SLC9A7: variants seen among roughly 807,000 people sequenced by gnomAD.
SLC9A7 encodes the protein solute carrier family 9 member A7, also known as sodium/hydrogen exchanger 7.
Under a neutral mutation model 52.6 loss-of-function variants are expected in SLC9A7, and 19 were observed. That is an observed-to-expected ratio of 0.36 (90% CI 0.25 to 0.53). The LOEUF (loss-of-function observed/expected upper bound fraction) is 0.53. Among genes scored for constraint, SLC9A7 ranks in the 20% least tolerant of loss-of-function variants. The pLI, the probability that SLC9A7 is intolerant of heterozygous loss-of-function variation, is 0.91. For synonymous variants in SLC9A7, 226 were observed against 252.1 expected (o/e 0.90, Z 0.98); for missense variants, 455 against 597.9 (o/e 0.76, Z 2.49).
chrX:46,651,291 C>T, intron 9 of SLC9A7, 25 bp downstream of exon 9: 1 of 1,195,354 alleles, frequency 8.4e-7, no homozygotes, highest in Non-Finnish European at 1.1e-6. Context: ...ACAAGCAACT[C>T]GTGAGTACCA....
Position 46,629,756 on chromosome X carries a change from C to T in SLC9A7, c.1740+1830G>A, listed in dbSNP as rs1241658871. Among the ~76,000 whole-genome samples the T allele has an allele frequency of 8.1e-5, 9 of 111,667 alleles. No individual in the cohort carries two copies. The East Asian group carries it at 2.5e-3, about 31-fold the overall frequency. On this transcript the variant is annotated intron_variant, in intron 14 of 16. Coordinates refer to ENST00000616978, the MANE Select transcript of SLC9A7 (RefSeq NM_001257291.2). ...ATAGGGCAGCCATGTCCTACCAGAG[C>T]CATTATCTTTCCTTTGGTGAAATAA...
chrX:46,674,866 C>T (rs1430335469), intron 3 of SLC9A7, among the ~76,000 whole-genome samples: 1 of 111,586 alleles, frequency 9.0e-6, no homozygotes, highest in Non-Finnish European at 1.9e-5. Flanking sequence ...AAGCCCAAGA[C>T]AGGCCAGGAT....
chrX:46,708,372 A>G (rs1252288733), intron 1 of SLC9A7, among the ~76,000 whole-genome samples: 1 of 110,116 alleles, frequency 9.1e-6, no homozygotes, highest in African/African-American at 3.3e-5. Flanking sequence ...TACTAAAAAT[A>G]CAAAAACATT....
chrX:46,618,943 C>CAA (rs34008582), intron 15 of SLC9A7, among the ~76,000 whole-genome samples: 4 of 84,330 alleles, frequency 4.7e-5, no homozygotes, highest in Non-Finnish European at 9.6e-5. Context: ...GACTCTGTCT[C>CAA]AAAAAAAAAA....
intron 1 of SLC9A7, among the ~76,000 whole-genome samples, chrX:46,740,774 A>G (rs1388471030): frequency 1.8e-5 from 2 of 110,698 alleles, no homozygotes; most frequent in East Asian, 5.7e-4. Context: ...TTCTAATTCA[A>G]CACTGTACTA....
intron 1 of SLC9A7, among the ~76,000 whole-genome samples, chrX:46,741,727 C>G (rs1921363620): frequency 9.1e-6 from 1 of 110,254 alleles, no homozygotes; most frequent in African/African-American, 3.3e-5. Flanking sequence ...TCTTCTCAAC[C>G]TGGGATTATA....
chrX:46,726,830 C>T (rs903987154), intron 1 of SLC9A7, among the ~76,000 whole-genome samples: 2 of 111,346 alleles, frequency 1.8e-5, no homozygotes, highest in African/African-American at 6.5e-5. Flanking sequence ...ATGACTGCCA[C>T]GGATGATAGG....
Position 46,669,730 on chromosome X carries a change from G to T in SLC9A7, c.681-11C>A. The T allele has an allele frequency of 1.0e-6, 1 of 995,796 alleles. No individual in the cohort carries two copies. The allele number at this position is 995,796 out of a possible 1,213,427, so 82.1% of individuals were successfully genotyped here. On this transcript the variant is annotated splice_polypyrimidine_tract_variant and intron_variant, in intron 4 of 16. Coordinates refer to ENST00000616978, the MANE Select transcript of SLC9A7 (RefSeq NM_001257291.2). ...CCATACATGAGATTTCTGTAAGAAGGTAAGGTAAACTATGTCAGGAGAAAA... is the reference window on the plus strand; with the variant it reads ...CCATACATGAGATTTCTGTAAGAAGTTAAGGTAAACTATGTCAGGAGAAAA...
rs772862454 is a variant in SLC9A7, at chrX:46,662,593, C to T, written c.844G>A (p.Ala282Thr). 16 of 1,210,351 alleles carry T rather than the reference C, an allele frequency of 1.3e-5. No homozygotes were observed. Among genetic ancestry groups the T allele is most frequent in the Non-Finnish European group, 1.8e-5 (16 of 894,347 alleles). Reference protein sequence around the residue: ...NELHADVDLYALLFGESVLND... With the variant: ...NELHADVDLYTLLFGESVLND... ...AGGACGCTCTCTCCAAAAAGAAGTGCGTAAAGATCCACGTCTGCATGCAAT... is the reference window on the plus strand; with the variant it reads ...AGGACGCTCTCTCCAAAAAGAAGTGTGTAAAGATCCACGTCTGCATGCAAT... Residue 282 changes from alanine to threonine, a missense_variant, in exon 6 of 17, where the codon GCA becomes ACA. Physicochemically the swap from Ala to Thr is moderately conservative, Grantham distance 58. Transcript: ENST00000616978.
At chrX:46,632,731 C>G (rs1943242637) in intron 13 of SLC9A7, among the ~76,000 whole-genome samples, 1 of 111,601 alleles carries the variant, frequency 9.0e-6, no homozygotes, top group Non-Finnish European at 1.9e-5. Context: ...CAACGTCTGC[C>G]TTACTGTTTA....
chrX:46,614,658 G>C (rs1942914805), intron 15 of SLC9A7, among the ~76,000 whole-genome samples: 1 of 112,080 alleles, frequency 8.9e-6, no homozygotes, highest in East Asian at 2.8e-4. Flanking sequence ...TATCTTGCTT[G>C]TCTGTCACTT....
At chrX:46,661,324 T>C (rs1227331790) in intron 7 of SLC9A7, among the ~76,000 whole-genome samples, 1 of 110,558 alleles carries the variant, frequency 9.0e-6, no homozygotes, top group Non-Finnish European at 1.9e-5. Context: ...TATACATATG[T>C]AACTAACCTG....
In SLC9A7 at chrX:46,698,120, T is replaced by C. The variant is rs191531991; in HGVS notation, c.326-15585A>G. Among the ~76,000 whole-genome samples, 219 of 112,231 alleles carry C rather than the reference T, an allele frequency of 2.0e-3. 3 individuals are homozygous for C. Among genetic ancestry groups the C allele is most frequent in the Admixed American group, 0.018 (186 of 10,566 alleles). On this transcript the variant is annotated intron_variant, in intron 1 of 16. Coordinates refer to ENST00000616978, the MANE Select transcript of SLC9A7 (RefSeq NM_001257291.2). ...GGTGCCCAAAACTTCATTAGCAATT[T>C]TAATTTCGTCCCGGTCCTGTGGTCC...
At chrX:46,689,350 T>C (rs1038954440) in intron 1 of SLC9A7, among the ~76,000 whole-genome samples, 1 of 112,434 alleles carries the variant, frequency 8.9e-6, no homozygotes, top group African/African-American at 3.2e-5. Context: ...TAACACTTCA[T>C]CTCATTTTAC....
chrX:46,690,589 C>T lies in SLC9A7; in HGVS notation c.326-8054G>A, dbSNP rs191164401. The stretch of plus-strand genomic sequence containing the variant: ...TCCAGCCTCTTGACATTGTCTTTGG[C>T]AGAGCAAAATTTTTTTACTCTGATA... On this transcript the variant is annotated intron_variant, in intron 1 of 16. Transcript: ENST00000616978. Among the ~76,000 whole-genome samples, 10 of 112,022 alleles carry T rather than the reference C, an allele frequency of 8.9e-5. No homozygotes were observed. In the Admixed American group the frequency reaches 9.5e-4, roughly 11 times the overall value.
intron 15 of SLC9A7, among the ~76,000 whole-genome samples, chrX:46,615,266 C>A (rs781507533): frequency 3.6e-5 from 4 of 112,328 alleles, no homozygotes; most frequent in Non-Finnish European, 7.5e-5. Context: ...TGGTCTCGAT[C>A]TCTTGACTTC....
intron 12 of SLC9A7, among the ~76,000 whole-genome samples, chrX:46,642,220 A>T (rs1569507225): frequency 8.9e-6 from 1 of 112,754 alleles, no homozygotes; most frequent in East Asian, 2.8e-4. Flanking sequence ...CTCTCCTCCA[A>T]GCTATGTACG....
intron 15 of SLC9A7, among the ~76,000 whole-genome samples, chrX:46,619,739 T>TC (rs1943012353): frequency 9.3e-6 from 1 of 107,671 alleles, no homozygotes; most frequent in Non-Finnish European, 1.9e-5. Flanking sequence ...TTTCTTTCTT[T>TC]TTTTTTTTTT....
intron 1 of SLC9A7, among the ~76,000 whole-genome samples, chrX:46,747,220 T>C (rs184417178): frequency 1.3e-3 from 143 of 112,049 alleles, no homozygotes; most frequent in African/African-American, 4.4e-3. Context: ...GCCTAGTGTT[T>C]GGTAGATCAG....
Sources: gnomAD v4.1 joint callset for allele counts (sites outside exome capture counted in the v4.1 genomes callset) on GRCh38, gnomAD v4.1.1 for gene constraint, MANE v1.5 for transcripts, NCBI Gene and HGNC (gene_info 2026-07-23, HGNC 2026-07-21) for gene names.